POLR3B: variants seen among roughly 807,000 people sequenced by gnomAD.
POLR3B encodes the protein DNA-directed RNA polymerase III subunit RPC2.
In POLR3B, 96 loss-of-function variants were observed where a neutral mutation model predicts 147.4. The ratio of observed to expected loss-of-function variants is 0.65; its 90% confidence interval spans 0.55 to 0.77. The LOEUF is 0.77. Ranked by LOEUF, POLR3B falls within the 30% of genes least tolerant of loss-of-function variation. POLR3B has a pLI of 0.00. For synonymous variants in POLR3B, 461 were observed against 485.9 expected, an observed-to-expected ratio of 0.95 and a Z score of 0.67; for missense variants, 1,036 against 1,413.5, an observed-to-expected ratio of 0.73 and a Z score of 4.28.
At chr12:106,403,214 C>G (rs1304617717) in intron 10 of POLR3B, among the ~76,000 whole-genome samples, 1 of 151,770 alleles carries the variant, frequency 6.6e-6, no homozygotes, top group Non-Finnish European at 1.5e-5. Context: ...AAAAAATGCT[C>G]ATCATCACTG....
At position 106,433,879 on chromosome 12, in the gene POLR3B, A is replaced by T. The variant is rs1289288375; in HGVS notation, c.1781+7A>T. 1.2e-6 allele frequency: 2 copies of T among 1,609,498 alleles called. No homozygotes were observed. The highest frequency in any genetic ancestry group is 1.7e-6 in the Non-Finnish European group (2 of 1,176,300). ...ATGGGGGAAGGCTATGCAGGTATAT[A>T]TGCAGGTTACTAAAAAGAGTTTTTA... On this transcript the variant is annotated splice_region_variant and intron_variant, in intron 16 of 27. Coordinates refer to ENST00000228347, the MANE Select transcript of POLR3B (RefSeq NM_018082.6).
intron 16 of POLR3B, 126 bp downstream of exon 16, chr12:106,433,998 C>G: frequency 1.3e-6 from 1 of 757,920 alleles, no homozygotes; most frequent in Non-Finnish European, 2.2e-6. Context: ...AATTTAATTC[C>G]GTGAGCAAAC....
chr12:106,377,764 C>T (rs978837825), intron 7 of POLR3B, among the ~76,000 whole-genome samples: 2 of 152,090 alleles, frequency 1.3e-5, no homozygotes, highest in Non-Finnish European at 2.9e-5. Flanking sequence ...TATCTTGTAG[C>T]TCATTTGTAT....
intron 23 of POLR3B, among the ~76,000 whole-genome samples, chr12:106,477,572 C>A (rs1455126841): frequency 6.6e-6 from 1 of 151,896 alleles, no homozygotes; most frequent in East Asian, 1.9e-4. Context: ...CGTGGTGCAC[C>A]GTTTTTTAAG....
intron 9 of POLR3B, among the ~76,000 whole-genome samples, chr12:106,388,168 G>C (rs2036865819): frequency 6.6e-6 from 1 of 152,138 alleles, no homozygotes; most frequent in Non-Finnish European, 1.5e-5. Context: ...AGGTTCTCCT[G>C]CCCATGAATC....
At position 106,430,254 on chromosome 12, in the gene POLR3B, GTCTTTCA is replaced by G. The variant is rs374543870; in HGVS notation, c.1264-15_1264-9del. 6.3e-7 allele frequency: 1 copy of G among 1,598,784 alleles called. No individual in the cohort carries two copies. On this transcript the variant is annotated splice_polypyrimidine_tract_variant and intron_variant, in intron 13 of 27. Coordinates refer to ENST00000228347, the MANE Select transcript of POLR3B (RefSeq NM_018082.6). ...AGGATTGGGTTAGGAATAGTCTTATGTCTTTCATCTCCCTACAGGGAAATTGGTCTTT... is the reference window on the plus strand; with the variant it reads ...AGGATTGGGTTAGGAATAGTCTTATGTCTCCCTACAGGGAAATTGGTCTTT...
chr12:106,373,753 CA>C (rs577790126), intron 6 of POLR3B, among the ~76,000 whole-genome samples: 87 of 138,114 alleles, frequency 6.3e-4, no homozygotes, highest in Admixed American at 5.8e-4. Flanking sequence ...GACTCCATCT[CA>C]AAAAAAAAAA....
intron 10 of POLR3B, among the ~76,000 whole-genome samples, chr12:106,402,741 A>G: frequency 6.6e-6 from 1 of 152,238 alleles, no homozygotes. Flanking sequence ...GGTGCTGGGA[A>G]AACTGGCTAG....
chr12:106,456,669 T>C (rs1259661568), intron 20 of POLR3B, among the ~76,000 whole-genome samples: 1 of 152,218 alleles, frequency 6.6e-6, no homozygotes, highest in East Asian at 1.9e-4. Flanking sequence ...GGACTTGTGC[T>C]GTTCAACACA....
intron 23 of POLR3B, among the ~76,000 whole-genome samples, chr12:106,480,742 G>C (rs1350120878): frequency 1.3e-5 from 2 of 152,172 alleles, no homozygotes; most frequent in Non-Finnish European, 2.9e-5. Context: ...TGCGTGTCTG[G>C]TACTATTCTA....
chr12:106,498,265 A>G (rs528860039), intron 25 of POLR3B, among the ~76,000 whole-genome samples: 2 of 152,256 alleles, frequency 1.3e-5, no homozygotes, highest in South Asian at 4.1e-4. Flanking sequence ...AGGGAACAGG[A>G]AGAGGCCAGC....
chr12:106,365,465 C>T (rs941304023), intron 2 of POLR3B, among the ~76,000 whole-genome samples: 1 of 152,154 alleles, frequency 6.6e-6, no homozygotes, highest in Non-Finnish European at 1.5e-5. Context: ...AGTGATTCTC[C>T]TGCCTCTGCC....
intron 23 of POLR3B, among the ~76,000 whole-genome samples, chr12:106,493,670 C>T (rs958984435): frequency 2.8e-4 from 42 of 152,216 alleles, no homozygotes; most frequent in Admixed American, 6.5e-5. Flanking sequence ...TGCTCTTCAT[C>T]TAATGAAATG....
intron 6 of POLR3B, among the ~76,000 whole-genome samples, chr12:106,373,057 A>G (rs2036632053): frequency 6.6e-6 from 1 of 152,202 alleles, no homozygotes. Context: ...AACAAGAGGT[A>G]TTCTCCAGTT....
chr12:106,394,901 C>T (rs2036960543), intron 10 of POLR3B, among the ~76,000 whole-genome samples: 1 of 152,054 alleles, frequency 6.6e-6, no homozygotes, highest in Non-Finnish European at 1.5e-5. Context: ...GCAAATAACC[C>T]AAAATAGTTG....
chr12:106,497,021 C>A, intron 25 of POLR3B, 103 bp downstream of exon 25: 3 of 1,147,814 alleles, frequency 2.6e-6, no homozygotes, highest in Non-Finnish European at 3.9e-6. Flanking sequence ...TTCAGGCAAG[C>A]TTGTACAGCC....
At chr12:106,375,694 G>C (rs1028656675) in intron 6 of POLR3B, among the ~76,000 whole-genome samples, 4 of 152,102 alleles carry the variant, frequency 2.6e-5, no homozygotes, top group African/African-American at 7.2e-5. Context: ...CAGACTGCCT[G>C]GTTAGTTTTC....
intron 22 of POLR3B, among the ~76,000 whole-genome samples, chr12:106,459,969 C>T (rs2037913088): frequency 6.6e-6 from 1 of 152,058 alleles, no homozygotes; most frequent in African/African-American, 2.4e-5. Flanking sequence ...TGATAGTCAC[C>T]ACATTGTGAT....
chr12:106,364,406 A>C (rs2036505805), intron 2 of POLR3B, among the ~76,000 whole-genome samples: 1 of 152,248 alleles, frequency 6.6e-6, no homozygotes, highest in African/African-American at 2.4e-5. Context: ...TGAGTACCAC[A>C]GTGAGAGACC....
Sources: allele counts gnomAD v4.1 joint callset (sites outside exome capture counted in the v4.1 genomes callset), GRCh38; gene constraint gnomAD v4.1.1; transcripts MANE v1.5; gene names NCBI Gene and HGNC (gene_info 2026-07-23, HGNC 2026-07-21).